Variants in PPARGC1A observed in about 807,000 individuals in gnomAD.
The protein encoded by PPARGC1A is peroxisome proliferator-activated receptor gamma coactivator 1-alpha.
A neutral mutation model predicts 88.7 loss-of-function variants in PPARGC1A; 25 were observed. The ratio of observed to expected loss-of-function variants is 0.28; its 90% CI spans 0.21 to 0.39. The LOEUF (loss-of-function observed/expected upper bound fraction) is 0.39. PPARGC1A is among the 10% of genes least tolerant of loss of function. PPARGC1A has a pLI of 1.00. For missense variants in PPARGC1A, 880 were observed against 968.7 expected (o/e 0.91, Z 1.22); for synonymous variants, 363 against 355.6 (o/e 1.02, Z -0.24).
chr4:24,041,949 T>C, the PPARGC1A span, among the ~76,000 whole-genome samples: 1 of 152,060 alleles, frequency 6.6e-6, no homozygotes, highest in Non-Finnish European at 1.5e-5. Flanking sequence ...AATCTCTGAA[T>C]AATCAACCTA....
At chr4:24,267,187 CAG>C in the PPARGC1A span, among the ~76,000 whole-genome samples, 1 of 152,156 alleles carries the variant, frequency 6.6e-6, no homozygotes, top group African/African-American at 2.4e-5. Context: ...CACCAACAAA[CAG>C]AGTAGCGACA....
At chr4:24,364,468 T>C in the PPARGC1A span, among the ~76,000 whole-genome samples, 1 of 152,184 alleles carries the variant, frequency 6.6e-6, no homozygotes, top group Admixed American at 6.5e-5. Flanking sequence ...ACCTCCAATC[T>C]TGCAAGAGGC....
the PPARGC1A span, among the ~76,000 whole-genome samples, chr4:23,994,342 C>G: frequency 6.6e-6 from 1 of 152,070 alleles, no homozygotes; most frequent in African/African-American, 2.4e-5. Context: ...TAAAGTGTAT[C>G]AGTAAGAAGG....
the PPARGC1A span, among the ~76,000 whole-genome samples, chr4:24,466,157 T>A: frequency 3.9e-5 from 6 of 152,126 alleles, no homozygotes; most frequent in Non-Finnish European, 5.9e-5. Flanking sequence ...AACTCAAACA[T>A]CTAGTCCAAA....
At chr4:23,815,251 CT>C (rs1217216242) in intron 7 of PPARGC1A, among the ~76,000 whole-genome samples, 1 of 152,078 alleles carries the variant, frequency 6.6e-6, no homozygotes, top group Non-Finnish European at 1.5e-5. Flanking sequence ...AACTCTACAA[CT>C]TAACGGCAGT....
chr4:24,091,535 A>T, the PPARGC1A span: 1 of 985,354 alleles, frequency 1.0e-6, no homozygotes, highest in Non-Finnish European at 1.2e-6. Context: ...GGTCTCATCC[A>T]TTGCTGATGC....
At chr4:23,948,151 T>G in the PPARGC1A span, among the ~76,000 whole-genome samples, 1 of 152,206 alleles carries the variant, frequency 6.6e-6, no homozygotes, top group African/African-American at 2.4e-5. Flanking sequence ...AATTCATTCA[T>G]CTATTCAACA....
At chr4:23,802,585 G>C (rs141974309) in intron 10 of PPARGC1A, among the ~76,000 whole-genome samples, 11,149 of 147,802 alleles carry the variant, frequency 0.075, 465 homozygotes, top group East Asian at 0.19. Flanking sequence ...GGCTGACGCA[G>C]AGAATTGCTT....
At chr4:24,436,652 C>T in the PPARGC1A span, among the ~76,000 whole-genome samples, 2 of 136,622 alleles carry the variant, frequency 1.5e-5, no homozygotes, top group Non-Finnish European at 3.2e-5. Flanking sequence ...CGATTGGCCA[C>T]CCCAGAGCCC....
the PPARGC1A span, among the ~76,000 whole-genome samples, chr4:24,193,897 G>T: frequency 6.6e-6 from 1 of 152,278 alleles, no homozygotes; most frequent in African/African-American, 2.4e-5. Context: ...GGGAGGCCGA[G>T]GTGGGTGGAT....
intron 2 of PPARGC1A, among the ~76,000 whole-genome samples, chr4:23,853,680 A>G (rs1042631903): frequency 1.3e-5 from 2 of 152,218 alleles, no homozygotes; most frequent in African/African-American, 2.4e-5. Flanking sequence ...ACTGCCTTAT[A>G]TCTCCTACCC....
chr4:24,028,551 G>A, the PPARGC1A span, among the ~76,000 whole-genome samples: 1 of 152,174 alleles, frequency 6.6e-6, no homozygotes, highest in Admixed American at 6.6e-5. Context: ...TTATGCCCAA[G>A]CTCTGTGCAC....
chr4:23,978,031 T>G, the PPARGC1A span, among the ~76,000 whole-genome samples: 1 of 152,204 alleles, frequency 6.6e-6, no homozygotes, highest in South Asian at 2.1e-4. Flanking sequence ...TTGGCATTTA[T>G]AGAAAGACTG....
chr4:23,888,927 G>A (rs1308812166), intron 1 of PPARGC1A: 1 of 984,294 alleles, frequency 1.0e-6, no homozygotes, highest in Admixed American at 6.2e-5. Flanking sequence ...AATTCAATTC[G>A]AGTCCATCTC....
the PPARGC1A span, among the ~76,000 whole-genome samples, chr4:24,280,107 A>T: frequency 6.6e-6 from 1 of 152,084 alleles, no homozygotes; most frequent in South Asian, 2.1e-4. Context: ...TCTCATCTTT[A>T]ATGTTAACCA....
chr4:24,325,566 A>C, the PPARGC1A span, among the ~76,000 whole-genome samples: 1 of 151,762 alleles, frequency 6.6e-6, no homozygotes. Flanking sequence ...TCTGTGCGGG[A>C]CCCCACTGGA....
chr4:24,022,651 C>T, the PPARGC1A span, among the ~76,000 whole-genome samples: 2 of 152,102 alleles, frequency 1.3e-5, no homozygotes, highest in East Asian at 3.9e-4. Context: ...GAATCAGAAC[C>T]CCTAATTTGG....
chr4:23,826,239 G>A (rs919633538), intron 5 of PPARGC1A, among the ~76,000 whole-genome samples: 1 of 152,138 alleles, frequency 6.6e-6, no homozygotes, highest in Non-Finnish European at 1.5e-5. Context: ...TACAGAATCC[G>A]ATCCCTGAAT....
At chr4:24,207,611 TA>T in the PPARGC1A span, among the ~76,000 whole-genome samples, 4 of 152,248 alleles carry the variant, frequency 2.6e-5, no homozygotes, top group African/African-American at 9.6e-5. Flanking sequence ...GGCATTAGTT[TA>T]AATCAGCTAT....
Sources: allele counts gnomAD v4.1 joint callset (sites outside exome capture counted in the v4.1 genomes callset), GRCh38; gene constraint gnomAD v4.1.1; transcripts MANE v1.5; gene names NCBI Gene and HGNC (gene_info 2026-07-23, HGNC 2026-07-21).